The following SND1 variants were observed in gnomAD, a reference collection of about 807,000 sequenced individuals.
The protein encoded by SND1 is staphylococcal nuclease domain-containing protein 1.
SND1 carries 38 observed loss-of-function variants against 121.7 expected under a neutral mutation model. The ratio of observed to expected loss-of-function variants is 0.31; its 90% confidence interval spans 0.24 to 0.41. SND1 has a LOEUF of 0.41. Ranked by LOEUF, SND1 falls within the 10% of genes least tolerant of loss-of-function variation. SND1 has a pLI of 1.00. For synonymous variants in SND1, 401 were observed against 447.4 expected (o/e 0.90, Z 1.31); for missense variants, 868 against 1,184.6 (o/e 0.73, Z 3.92).
chr7:127,910,734 C>A (rs916937623), intron 14 of SND1, among the ~76,000 whole-genome samples: 3 of 151,832 alleles, frequency 2.0e-5, no homozygotes, highest in Non-Finnish European at 2.9e-5. Flanking sequence ...CCTTTTTTAC[C>A]CCACTTGGCT....
intron 1 of SND1, among the ~76,000 whole-genome samples, chr7:127,669,313 A>G (rs747297261): frequency 6.6e-6 from 1 of 152,118 alleles, no homozygotes; most frequent in African/African-American, 2.4e-5. Context: ...TTTACAGTAT[A>G]TCAAATTTCC....
intron 16 of SND1, among the ~76,000 whole-genome samples, chr7:128,049,405 C>T (rs949390224): frequency 2.0e-5 from 3 of 152,182 alleles, no homozygotes; most frequent in African/African-American, 7.2e-5. Context: ...GCCCCCACTC[C>T]ATCCCTCCAA....
intron 11 of SND1, among the ~76,000 whole-genome samples, chr7:127,836,299 GATGAAA>G (rs1397653977): frequency 2.0e-5 from 3 of 152,164 alleles, no homozygotes; most frequent in Non-Finnish European, 4.4e-5. Context: ...AAATTCCATT[GATGAAA>G]ATGAAATGTA....
chr7:127,966,909 C>A lies in SND1; in HGVS notation c.1670-24038C>A, dbSNP rs189293869. ...AAAACCCTTCAAAAAATCAATGAAT[C>A]CAGGAGCTGGTTTTTTGAAAGGATC... On this transcript the variant is annotated intron_variant, in intron 15 of 23. Coordinates refer to ENST00000354725, the MANE Select transcript of SND1 (RefSeq NM_014390.4). Among the ~76,000 whole-genome samples the A allele has an allele frequency of 3.3e-3, 503 of 151,784 alleles. 3 individuals are homozygous for A. Among genetic ancestry groups the A allele is most frequent in the Non-Finnish European group, 6.1e-3 (412 of 67,934 alleles).
chr7:127,745,315 A>T (rs1157481070), intron 10 of SND1, among the ~76,000 whole-genome samples: 2 of 152,184 alleles, frequency 1.3e-5, no homozygotes, highest in Non-Finnish European at 2.9e-5. Context: ...GTATTTGTGT[A>T]TCTAAACATA....
intron 10 of SND1, among the ~76,000 whole-genome samples, chr7:127,751,605 C>G (rs990084584): frequency 2.6e-5 from 4 of 152,360 alleles, no homozygotes; most frequent in African/African-American, 9.6e-5. Context: ...AGGGACATTA[C>G]TTCTAGAGAG....
At chr7:127,893,624 G>T (rs1800057445) in intron 13 of SND1, among the ~76,000 whole-genome samples, 1 of 152,106 alleles carries the variant, frequency 6.6e-6, no homozygotes, top group Non-Finnish European at 1.5e-5. Context: ...AGATTTAAAT[G>T]AATTTAGATT....
chr7:127,864,723 A>C (rs1477084504), intron 12 of SND1, among the ~76,000 whole-genome samples: 2 of 152,096 alleles, frequency 1.3e-5, no homozygotes, highest in Non-Finnish European at 2.9e-5. Context: ...TCCCTGCACT[A>C]TGGATTTTGC....
At chr7:127,944,573 T>C (rs914030226) in intron 15 of SND1, among the ~76,000 whole-genome samples, 41 of 152,134 alleles carry the variant, frequency 2.7e-4, no homozygotes. Flanking sequence ...AATAGCTCTT[T>C]GATCCCCTGA....
intron 16 of SND1, among the ~76,000 whole-genome samples, chr7:128,035,726 A>T (rs902198605): frequency 6.6e-6 from 1 of 152,226 alleles, no homozygotes; most frequent in Non-Finnish European, 1.5e-5. Context: ...TGGGATAAAG[A>T]AGAGTCTTCA....
chr7:127,954,895 C>T lies in SND1; in HGVS notation c.1669+25566C>T, dbSNP rs140233424. 3.7e-4 allele frequency among the ~76,000 whole-genome samples: 56 copies of T among 152,228 alleles called. 1 individual carries two copies. The highest frequency in any genetic ancestry group is 6.8e-4 in the Non-Finnish European group (46 of 68,002). ...AAGAAGTCTCCCACCAGTTCCACTT[C>T]CAGAAATCACAGATCTCTAGGAGAT... On this transcript the variant is annotated intron_variant, in intron 15 of 23. Transcript: ENST00000354725.
intron 16 of SND1, among the ~76,000 whole-genome samples, chr7:128,032,791 C>A (rs950688478): frequency 1.3e-5 from 2 of 152,178 alleles, no homozygotes; most frequent in African/African-American, 4.8e-5. Context: ...TGCCGCCAGC[C>A]CCTCCTTCGC....
At chr7:127,712,154 T>C (rs998311480) in intron 9 of SND1, among the ~76,000 whole-genome samples, 3 of 152,114 alleles carry the variant, frequency 2.0e-5, no homozygotes, top group African/African-American at 7.2e-5. Flanking sequence ...ATTTAGGGTA[T>C]ACATATTTGC....
chr7:127,774,974 G>C (rs1451624977), intron 10 of SND1, among the ~76,000 whole-genome samples: 1 of 152,218 alleles, frequency 6.6e-6, no homozygotes, highest in South Asian at 2.1e-4. Flanking sequence ...ATTCAGTACT[G>C]TAGAGTCTTT....
intron 11 of SND1, 59 bp from the exon 12 acceptor site, chr7:127,844,265 C>A: frequency 7.4e-7 from 1 of 1,355,302 alleles, no homozygotes; most frequent in Non-Finnish European, 1.0e-6. Flanking sequence ...GCACATGTGG[C>A]TGCTAGTGAG....
chr7:127,658,958 C>T (rs1248250276), intron 1 of SND1, among the ~76,000 whole-genome samples: 1 of 152,244 alleles, frequency 6.6e-6, no homozygotes, highest in East Asian at 1.9e-4. Flanking sequence ...GTGGTTCTAA[C>T]AGGGGCATAG....
chr7:127,702,333 T>G, intron 5 of SND1, 102 bp from the exon 6 acceptor site: 1 of 1,028,352 alleles, frequency 9.7e-7, no homozygotes, highest in Non-Finnish European at 1.5e-6. Flanking sequence ...TTTCTCAGGG[T>G]TTTTGGGGAG....
At chr7:127,716,823 A>G (rs1357078417) in intron 9 of SND1, among the ~76,000 whole-genome samples, 4 of 152,238 alleles carry the variant, frequency 2.6e-5, no homozygotes, top group Non-Finnish European at 2.9e-5. Context: ...TTCCTATGTG[A>G]TAATATGGAG....
At chr7:127,753,501 A>G (rs1035197838) in intron 10 of SND1, among the ~76,000 whole-genome samples, 1 of 151,818 alleles carries the variant, frequency 6.6e-6, no homozygotes, top group Admixed American at 6.6e-5. Flanking sequence ...GCCACCAAAG[A>G]TGAAATGCCA....
Sources: allele counts gnomAD v4.1 joint callset (sites outside exome capture counted in the v4.1 genomes callset), GRCh38; gene constraint gnomAD v4.1.1; transcripts MANE v1.5; gene names NCBI Gene and HGNC (gene_info 2026-07-23, HGNC 2026-07-21).